ASB3: variants seen among roughly 807,000 people sequenced by gnomAD.
The protein encoded by ASB3 is ankyrin repeat and SOCS box containing 3, also known as ankyrin repeat and SOCS box protein 3.
ASB3 carries 41 observed loss-of-function variants against 54.5 expected under a neutral mutation model. The observed-to-expected ratio is 0.75, with a 90% confidence interval of 0.59 to 0.98. The LOEUF is 0.98. ASB3 is among the 50% of genes least tolerant of loss of function. The pLI is 0.00. For missense variants in ASB3, 733 were observed against 620.0 expected (o/e 1.18, Z -1.94); for synonymous variants, 266 against 221.2 (o/e 1.20, Z -1.80).
chr2:53,691,494 T>G (rs1442443544), intron 9 of ASB3, among the ~76,000 whole-genome samples: 1 of 152,148 alleles, frequency 6.6e-6, no homozygotes, highest in Non-Finnish European at 1.5e-5. Context: ...AACATTATGA[T>G]AAGTTATTGG....
chr2:53,767,950 G>C, intron 1 of ASB3: 1 of 1,614,148 alleles, frequency 6.2e-7, no homozygotes, highest in Non-Finnish European at 8.5e-7. Flanking sequence ...GGACAAGCTG[G>C]TCGGATACAT....
At chr2:53,728,076 C>G (rs577722136) in intron 5 of ASB3, among the ~76,000 whole-genome samples, 89 of 152,130 alleles carry the variant, frequency 5.9e-4, no homozygotes, top group Admixed American at 1.2e-3. Flanking sequence ...CTGTGATTCA[C>G]GCTTCATCAA....
At chr2:53,678,881 T>C (rs1287801742) in intron 9 of ASB3, among the ~76,000 whole-genome samples, 2 of 152,190 alleles carry the variant, frequency 1.3e-5, no homozygotes, top group African/African-American at 4.8e-5. Context: ...GGGGGCAATG[T>C]TAGCATTCTT....
At position 53,728,778 on chromosome 2, in the gene ASB3, T is replaced by C. The variant is rs772290007; in HGVS notation, c.538A>G (p.Ile180Val). The change falls in exon 5 of 10, where the codon ATC becomes GTC. Residue 180 changes from isoleucine to valine, a missense_variant. Physicochemically the swap from Ile to Val is conservative, Grantham distance 29. Coordinates refer to ENST00000263634, the MANE Select transcript of ASB3 (RefSeq NM_016115.5). Reference protein sequence around the residue: ...ANKECQDDFGITPLFVAAQYG... With the variant: ...ANKECQDDFGVTPLFVAAQYG... Reference sequence around the variant, plus strand: ...TGAGCAGCCACAAATAAAGGTGTGATTCCAAAGTCATCCTGGCATTCCTTG... The same window carrying C: ...TGAGCAGCCACAAATAAAGGTGTGACTCCAAAGTCATCCTGGCATTCCTTG... The C allele has an allele frequency of 1.3e-5, 21 of 1,612,872 alleles. No individual in the cohort carries two copies. The highest frequency in any genetic ancestry group is 1.6e-5 in the Non-Finnish European group (19 of 1,179,352).
chr2:53,783,353 T>C (rs1284399093), intron 1 of ASB3, among the ~76,000 whole-genome samples: 1 of 152,240 alleles, frequency 6.6e-6, no homozygotes, highest in African/African-American at 2.4e-5. Context: ...ATGTATTTTT[T>C]CTTTTTATAT....
At chr2:53,737,752 A>G (rs1160251848) in intron 3 of ASB3, among the ~76,000 whole-genome samples, 2 of 151,110 alleles carry the variant, frequency 1.3e-5, no homozygotes, top group Non-Finnish European at 3.0e-5. Context: ...AAAGACTGCC[A>G]CAAATTCTGA....
At chr2:53,724,608 A>G (rs543118081) in intron 5 of ASB3, among the ~76,000 whole-genome samples, 1 of 152,214 alleles carries the variant, frequency 6.6e-6, no homozygotes, top group South Asian at 2.1e-4. Flanking sequence ...CAAAAAAAAA[A>G]AAAAATTGGG....
At chr2:53,744,437 T>C (rs1672117563) in intron 3 of ASB3, among the ~76,000 whole-genome samples, 1 of 151,320 alleles carries the variant, frequency 6.6e-6, no homozygotes, top group Non-Finnish European at 1.5e-5. Context: ...TAATATAAAG[T>C]TGTATCAAGA....
intron 9 of ASB3, among the ~76,000 whole-genome samples, chr2:53,678,140 GGTGT>G (rs3034411): frequency 1.5e-4 from 22 of 150,756 alleles, no homozygotes; most frequent in Non-Finnish European, 7.4e-5. Flanking sequence ...TTACCTTGCT[GGTGT>G]GTGTGTGTGT....
At chr2:53,712,199 G>A (rs879317484) in intron 7 of ASB3, among the ~76,000 whole-genome samples, 10 of 149,260 alleles carry the variant, frequency 6.7e-5, no homozygotes, top group Admixed American at 1.3e-4. Context: ...CCTTCCATGA[G>A]TCTCTATAAA....
In ASB3 at chr2:53,670,847, T is replaced by C. The variant is rs549107776; in HGVS notation, c.1370-157A>G. ...GTCAGTATGACCACAATAAACCTTATTTATTCTTTTCTACAGCCTTCAACT... is the reference window on the plus strand; with the variant it reads ...GTCAGTATGACCACAATAAACCTTACTTATTCTTTTCTACAGCCTTCAACT... On this transcript the variant is annotated intron_variant, in intron 9 of 9. Transcript: ENST00000263634. 9.8e-5 allele frequency among the ~76,000 whole-genome samples: 15 copies of C among 152,334 alleles called. No homozygotes were observed. In the East Asian group the frequency reaches 1.5e-3, roughly 16 times the overall value.
intron 7 of ASB3, among the ~76,000 whole-genome samples, chr2:53,707,114 T>C (rs1246596654): frequency 6.6e-6 from 1 of 152,216 alleles, no homozygotes; most frequent in African/African-American, 2.4e-5. Context: ...GCAGCGGACT[T>C]TTCTGTGATG....
At chr2:53,747,116 T>C (rs1432248180) in intron 3 of ASB3, among the ~76,000 whole-genome samples, 1 of 152,132 alleles carries the variant, frequency 6.6e-6, no homozygotes, top group Non-Finnish European at 1.5e-5. Flanking sequence ...GTAGGCACAA[T>C]ACTGAATTTC....
intron 7 of ASB3, among the ~76,000 whole-genome samples, chr2:53,710,938 C>T (rs1229805110): frequency 6.6e-6 from 1 of 151,072 alleles, no homozygotes; most frequent in Non-Finnish European, 1.5e-5. Context: ...CCAGCCTAGG[C>T]AACACGGCAA....
intron 2 of ASB3, among the ~76,000 whole-genome samples, chr2:53,753,491 G>A (rs1357001770): frequency 6.6e-6 from 1 of 152,156 alleles, no homozygotes; most frequent in Non-Finnish European, 1.5e-5. Flanking sequence ...TATAGATACA[G>A]ATGGCTAGAC....
chr2:53,698,040 A>T (rs1456007913), intron 8 of ASB3, among the ~76,000 whole-genome samples: 1 of 152,184 alleles, frequency 6.6e-6, no homozygotes, highest in African/African-American at 2.4e-5. Flanking sequence ...TCTACTGGGC[A>T]TTGCTCTAGA....
chr2:53,725,141 T>C (rs1670922498), intron 5 of ASB3, among the ~76,000 whole-genome samples: 2 of 152,150 alleles, frequency 1.3e-5, no homozygotes, highest in Admixed American at 6.5e-5. Context: ...TTCAGCAACA[T>C]GGATGCAGCT....
At chr2:53,711,884 T>C (rs1670118542) in intron 7 of ASB3, among the ~76,000 whole-genome samples, 1 of 152,214 alleles carries the variant, frequency 6.6e-6, no homozygotes, top group South Asian at 2.1e-4. Flanking sequence ...AGTCCTCAGG[T>C]AGTTTCTTTT....
chr2:53,709,329 C>A (rs997565588), intron 7 of ASB3, among the ~76,000 whole-genome samples: 2 of 152,192 alleles, frequency 1.3e-5, no homozygotes, highest in Non-Finnish European at 2.9e-5. Flanking sequence ...TGGTGTTAAC[C>A]CTGTGGGTGC....
Sources: gnomAD v4.1 joint callset for allele counts (sites outside exome capture counted in the v4.1 genomes callset) on GRCh38, gnomAD v4.1.1 for gene constraint, MANE v1.5 for transcripts, NCBI Gene and HGNC (gene_info 2026-07-23, HGNC 2026-07-21) for gene names.